The following MBNL1 variants were observed in gnomAD, a reference collection of about 807,000 sequenced individuals.
MBNL1 encodes muscleblind like splicing regulator 1, also known as muscleblind-like protein 1.
In MBNL1, 8 loss-of-function variants were observed where a neutral mutation model predicts 42.2. The observed-to-expected ratio is 0.19, with a 90% CI of 0.11 to 0.34. MBNL1 has a LOEUF of 0.34. MBNL1 is among the 10% of genes least tolerant of loss of function. The probability of loss-of-function intolerance (pLI) is 1.00; values close to 1 mark genes in which losing one functional copy is unlikely to be tolerated. For missense variants in MBNL1, 309 were observed against 495.3 expected (o/e 0.62, Z 3.57); for synonymous variants, 169 against 173.9 (o/e 0.97, Z 0.22).
intron 2 of MBNL1, among the ~76,000 whole-genome samples, chr3:152,254,534 A>G (rs1237110430): frequency 6.6e-6 from 1 of 152,050 alleles, no homozygotes; most frequent in African/African-American, 2.4e-5. Flanking sequence ...CTGGCCTCAC[A>G]TCTATGCTTA....
In MBNL1 at chr3:152,300,001, C is replaced by T; in HGVS notation, c.-193C>T. The T allele has an allele frequency of 1.9e-6, 1 of 517,550 alleles. No homozygotes were observed. The highest frequency in any genetic ancestry group is 3.4e-6 in the Non-Finnish European group (1 of 294,440). The allele number at this position is 517,550 out of a possible 1,614,324, so 32.1% of individuals were successfully genotyped here. On this transcript the variant is annotated 5_prime_UTR_variant, in exon 2 of 10. Coordinates refer to ENST00000324210, the MANE Select transcript of MBNL1 (RefSeq NM_021038.5). ...ATTAACAGTTTCATGCTGTGAATTT[C>T]TAGTGGGAGATCTTTTCCTTGATAT...
At chr3:152,258,897 G>A (rs1050051642) in intron 2 of MBNL1, among the ~76,000 whole-genome samples, 2 of 152,150 alleles carry the variant, frequency 1.3e-5, no homozygotes, top group African/African-American at 4.8e-5. Flanking sequence ...GAGTAATCAA[G>A]AAAAGTTGAC....
At chr3:152,333,551 C>G (rs546230668) in intron 2 of MBNL1, among the ~76,000 whole-genome samples, 3 of 152,326 alleles carry the variant, frequency 2.0e-5, no homozygotes, top group Admixed American at 6.5e-5. Context: ...GCTGCATTCT[C>G]TGGGTCCAGA....
intron 2 of MBNL1, among the ~76,000 whole-genome samples, chr3:152,396,784 C>T (rs1235462100): frequency 6.6e-6 from 1 of 152,038 alleles, no homozygotes; most frequent in Non-Finnish European, 1.5e-5. Context: ...TTAAGATTCT[C>T]AAAAAAGTTT....
At chr3:152,395,427 C>G (rs1290480809) in intron 2 of MBNL1, among the ~76,000 whole-genome samples, 1 of 152,188 alleles carries the variant, frequency 6.6e-6, no homozygotes, top group African/African-American at 2.4e-5. Context: ...TTTTTCTTCT[C>G]AAGCATTTTG....
At chr3:152,351,166 T>C (rs892166408) in intron 2 of MBNL1, among the ~76,000 whole-genome samples, 2 of 152,090 alleles carry the variant, frequency 1.3e-5, no homozygotes, top group African/African-American at 2.4e-5. Context: ...CAAAGCCAGA[T>C]AGAAGTTGTA....
At chr3:152,338,996 G>A (rs1279354021) in intron 2 of MBNL1, among the ~76,000 whole-genome samples, 1 of 151,926 alleles carries the variant, frequency 6.6e-6, no homozygotes, top group African/African-American at 2.4e-5. Context: ...AATTAAAATG[G>A]TTAAAGATAA....
chr3:152,344,930 T>C (rs1055119723), intron 2 of MBNL1, among the ~76,000 whole-genome samples: 9 of 152,282 alleles, frequency 5.9e-5, no homozygotes, highest in African/African-American at 2.2e-4. Flanking sequence ...TTGCTTTTAC[T>C]GTAAAAGAGT....
At chr3:152,328,315 G>T (rs2081785732) in intron 2 of MBNL1, among the ~76,000 whole-genome samples, 1 of 152,072 alleles carries the variant, frequency 6.6e-6, no homozygotes, top group Non-Finnish European at 1.5e-5. Flanking sequence ...TATTGAATCT[G>T]CCAAAAGATG....
chr3:152,462,573 T>G lies in MBNL1; in HGVS notation c.*207T>G, dbSNP rs1276548786. 2 of 152,128 alleles carry G rather than the reference T, an allele frequency of 1.3e-5. No individual in the cohort carries two copies. The highest frequency in any genetic ancestry group is 2.4e-5 in the African/African-American group (1 of 41,448). The allele number at this position is 152,128 out of a possible 1,614,324, so 9.4% of individuals were successfully genotyped here. On this transcript the variant is annotated 3_prime_UTR_variant, in exon 10 of 10. Coordinates refer to ENST00000324210, the MANE Select transcript of MBNL1 (RefSeq NM_021038.5). ...CACTGCACACTGTTGCCTATACACT[T>G]TGTACATTTAATTGATATTTGTGCT...
At chr3:152,457,085 C>T (rs1203543953) in intron 8 of MBNL1, among the ~76,000 whole-genome samples, 1 of 151,980 alleles carries the variant, frequency 6.6e-6, no homozygotes, top group Non-Finnish European at 1.5e-5. Context: ...GGATTTGTTT[C>T]ATAAATTTAA....
chr3:152,401,714 G>A (rs1011143064), intron 2 of MBNL1, among the ~76,000 whole-genome samples: 8 of 152,206 alleles, frequency 5.3e-5, no homozygotes, highest in South Asian at 2.1e-4. Context: ...AAGAGGCTTC[G>A]TTTGGGTTAA....
intron 2 of MBNL1, among the ~76,000 whole-genome samples, chr3:152,378,420 T>A (rs1166097263): frequency 2.6e-5 from 4 of 152,200 alleles, no homozygotes; most frequent in African/African-American, 9.6e-5. Context: ...TTTTGCATGA[T>A]AGCTCCTACC....
At chr3:152,328,895 A>T (rs151042362) in intron 2 of MBNL1, among the ~76,000 whole-genome samples, 1 of 152,328 alleles carries the variant, frequency 6.6e-6, no homozygotes, top group African/African-American at 2.4e-5. Flanking sequence ...TTGACAAAAA[A>T]GTTTGCTAAT....
Position 152,300,189 on chromosome 3 carries a change from T to C in MBNL1, c.-5T>C. On this transcript the variant is annotated 5_prime_UTR_variant, in exon 2 of 10. Coordinates refer to ENST00000324210, the MANE Select transcript of MBNL1 (RefSeq NM_021038.5). ...GAAACATTTAACTACCTGTAAAATC[T>C]AAACATGGCTGTTAGTGTCACACCA... The C allele has an allele frequency of 6.4e-7, 1 of 1,569,702 alleles. No individual in the cohort carries two copies. The highest frequency in any genetic ancestry group is 8.7e-7 in the Non-Finnish European group (1 of 1,152,566).
At chr3:152,285,714 C>T (rs2051236004) in intron 1 of MBNL1, among the ~76,000 whole-genome samples, 1 of 150,278 alleles carries the variant, frequency 6.7e-6, no homozygotes, top group South Asian at 2.1e-4. Flanking sequence ...CTGTGGCCTC[C>T]CGGGCTCAAA....
intron 4 of MBNL1, among the ~76,000 whole-genome samples, chr3:152,440,770 A>G (rs752109601): frequency 3.3e-5 from 5 of 152,228 alleles, no homozygotes; most frequent in Non-Finnish European, 5.9e-5. Flanking sequence ...AAATAGAGAT[A>G]ATTTCTTTAC....
intron 1 of MBNL1, chr3:152,298,883 T>A (rs2059685361): frequency 6.6e-6 from 1 of 152,228 alleles, no homozygotes; most frequent in Admixed American, 6.5e-5. Flanking sequence ...GGAAGTCAGC[T>A]GCAATTTTTA....
At chr3:152,319,222 G>A (rs907884966) in intron 2 of MBNL1, among the ~76,000 whole-genome samples, 1 of 152,144 alleles carries the variant, frequency 6.6e-6, no homozygotes, top group Non-Finnish European at 1.5e-5. Context: ...AAGATTGCTT[G>A]TGCAGTGTTC....
Sources: allele counts gnomAD v4.1 joint callset (sites outside exome capture counted in the v4.1 genomes callset), GRCh38; gene constraint gnomAD v4.1.1; transcripts MANE v1.5; gene names NCBI Gene and HGNC (gene_info 2026-07-23, HGNC 2026-07-21).